MSRA: variants seen among roughly 807,000 people sequenced by gnomAD.
MSRA encodes the protein methionine sulfoxide reductase A.
A neutral mutation model predicts 31.3 loss-of-function variants in MSRA; 54 were observed. The observed-to-expected ratio is 1.73, with a 90% CI of 1.39 to 2.17. The LOEUF is 2.17. MSRA is among the 30% of genes most tolerant of loss of function. The pLI, the probability that MSRA is intolerant of heterozygous loss-of-function variation, is 0.00. For synonymous variants in MSRA, 169 were observed against 116.5 expected, an observed-to-expected ratio of 1.45 and a Z score of -2.90; for missense variants, 507 against 300.9, an observed-to-expected ratio of 1.69 and a Z score of -5.07.
chr8:10,090,864 GCTTC>G (rs1798817506), intron 1 of MSRA, among the ~76,000 whole-genome samples: 1 of 152,178 alleles, frequency 6.6e-6, no homozygotes, highest in Non-Finnish European at 1.5e-5. Flanking sequence ...ATGCGTCAGT[GCTTC>G]CTTCCTTTGT....
intron 1 of MSRA, among the ~76,000 whole-genome samples, chr8:10,196,881 C>T (rs114195522): frequency 3.9e-5 from 6 of 151,978 alleles, no homozygotes; most frequent in African/African-American, 1.5e-4. Context: ...CAGGACAGTA[C>T]CTTTATAAAC....
intron 5 of MSRA, among the ~76,000 whole-genome samples, chr8:10,368,816 C>T (rs1805313384): frequency 6.6e-6 from 1 of 152,208 alleles, no homozygotes; most frequent in Non-Finnish European, 1.5e-5. Context: ...TTGTACCTGT[C>T]TTGTCACTTT....
At chr8:10,074,508 A>G (rs892122711) in intron 1 of MSRA, among the ~76,000 whole-genome samples, 16 of 152,180 alleles carry the variant, frequency 1.1e-4, no homozygotes, top group African/African-American at 3.9e-4. Flanking sequence ...GATCACTGAA[A>G]GGTAAACCAC....
intron 5 of MSRA, chr8:10,411,603 C>G (rs1808162838): frequency 6.6e-6 from 1 of 152,126 alleles, no homozygotes; most frequent in Non-Finnish European, 1.5e-5. Flanking sequence ...AGCTGGTCAG[C>G]CTGTTTGCAG....
chr8:10,262,175 C>G (rs571424100), intron 3 of MSRA, among the ~76,000 whole-genome samples: 1 of 152,270 alleles, frequency 6.6e-6, no homozygotes, highest in South Asian at 2.1e-4. Flanking sequence ...ATGAACAAAG[C>G]TGCTATTAAC....
intron 2 of MSRA, among the ~76,000 whole-genome samples, chr8:10,227,532 C>A (rs918765095): frequency 1.3e-5 from 2 of 152,116 alleles, no homozygotes; most frequent in African/African-American, 4.8e-5. Flanking sequence ...ATTCTTGACC[C>A]CTCTTGGTAA....
chr8:10,140,563 A>G (rs998840617), intron 1 of MSRA, among the ~76,000 whole-genome samples: 6 of 152,340 alleles, frequency 3.9e-5, no homozygotes, highest in Admixed American at 3.9e-4. Context: ...TGATATTACA[A>G]GCAAATGAAC....
intron 1 of MSRA, among the ~76,000 whole-genome samples, chr8:10,066,688 CA>C (rs1307578425): frequency 1.3e-5 from 2 of 152,098 alleles, no homozygotes; most frequent in African/African-American, 4.8e-5. Context: ...CATCCGTCAC[CA>C]GACCTAGCTA....
intron 3 of MSRA, among the ~76,000 whole-genome samples, chr8:10,262,401 G>C (rs1448095176): frequency 2.6e-5 from 4 of 152,092 alleles, no homozygotes; most frequent in East Asian, 1.9e-4. Flanking sequence ...TTGGTGTTTT[G>C]GATTTTGGCA....
At chr8:10,309,832 G>A (rs1389510415) in intron 4 of MSRA, among the ~76,000 whole-genome samples, 1 of 152,172 alleles carries the variant, frequency 6.6e-6, no homozygotes, top group African/African-American at 2.4e-5. Flanking sequence ...TGCTCCAGGC[G>A]AGTTTTTTCC....
intron 2 of MSRA, among the ~76,000 whole-genome samples, chr8:10,241,060 C>G (rs924683884): frequency 1.3e-5 from 2 of 152,096 alleles, no homozygotes; most frequent in African/African-American, 2.4e-5. Flanking sequence ...GCTGTAGCCC[C>G]TTGACCTTAT....
chr8:10,107,410 C>G (rs11990614), intron 1 of MSRA, among the ~76,000 whole-genome samples: 53,033 of 151,808 alleles, frequency 0.35, 10,246 homozygotes, highest in Non-Finnish European at 0.43. Flanking sequence ...GAAATAGATG[C>G]TAGAATCTCT....
At chr8:10,095,261 G>A (rs533621330) in intron 1 of MSRA, among the ~76,000 whole-genome samples, 1 of 152,172 alleles carries the variant, frequency 6.6e-6, no homozygotes, top group African/African-American at 2.4e-5. Flanking sequence ...GACATTTCTA[G>A]GGAACAGATT....
intron 4 of MSRA, among the ~76,000 whole-genome samples, chr8:10,310,623 C>A (rs1327829270): frequency 6.6e-6 from 1 of 152,282 alleles, no homozygotes. Flanking sequence ...CCCATTTGCT[C>A]CTTAAAGCAA....
chr8:10,391,715 C>G (rs1260194458), intron 5 of MSRA, among the ~76,000 whole-genome samples: 1 of 152,220 alleles, frequency 6.6e-6, no homozygotes, highest in African/African-American at 2.4e-5. Context: ...AGCTCTGCCA[C>G]CTGCTTTCCC....
At chr8:10,241,807 A>C (rs914209824) in intron 2 of MSRA, among the ~76,000 whole-genome samples, 1 of 152,208 alleles carries the variant, frequency 6.6e-6, no homozygotes, top group Non-Finnish European at 1.5e-5. Flanking sequence ...TCTGGATCCA[A>C]TTGTCAACTT....
chr8:10,065,413 A>G (rs1472849695), intron 1 of MSRA, among the ~76,000 whole-genome samples: 1 of 152,232 alleles, frequency 6.6e-6, no homozygotes, highest in Non-Finnish European at 1.5e-5. Context: ...TGCTCATACT[A>G]ACAAGCTCTG....
intron 1 of MSRA, among the ~76,000 whole-genome samples, chr8:10,184,200 G>A (rs955798220): frequency 1.3e-5 from 2 of 151,518 alleles, no homozygotes; most frequent in Non-Finnish European, 2.9e-5. Flanking sequence ...AGGTGGTGTT[G>A]TTGCCATTGG....
At chr8:10,322,515 G>C (rs1441801913) in intron 5 of MSRA, among the ~76,000 whole-genome samples, 1 of 152,148 alleles carries the variant, frequency 6.6e-6, no homozygotes, top group Non-Finnish European at 1.5e-5. Flanking sequence ...GAGAAGCAGA[G>C]GCAGATTTGT....
Sources: allele counts gnomAD v4.1 joint callset (sites outside exome capture counted in the v4.1 genomes callset), GRCh38; gene constraint gnomAD v4.1.1; transcripts MANE v1.5; gene names NCBI Gene and HGNC (gene_info 2026-07-23, HGNC 2026-07-21).